The following AGAP3 variants were observed in gnomAD, a reference collection of about 807,000 sequenced individuals.
The protein encoded by AGAP3 is arf-GAP with GTPase, ANK repeat and PH domain-containing protein 3.
In AGAP3, 24 loss-of-function variants were observed where a neutral mutation model predicts 96.9. The ratio of observed to expected loss-of-function variants is 0.25; its 90% confidence interval spans 0.18 to 0.35. AGAP3 has a LOEUF of 0.35. Ranked by LOEUF, AGAP3 falls within the 10% of genes least tolerant of loss-of-function variation. The pLI is 1.00. For missense variants in AGAP3, 876 were observed against 1,254.2 expected (o/e 0.70, Z 4.55); for synonymous variants, 563 against 536.1 (o/e 1.05, Z -0.69).
chr7:151,127,849 G>A (rs1800241513), intron 9 of AGAP3, among the ~76,000 whole-genome samples: 2 of 152,190 alleles, frequency 1.3e-5, no homozygotes, highest in Non-Finnish European at 2.9e-5. Flanking sequence ...CAGGGTTTTA[G>A]GGGGCTTTTC....
At chr7:151,089,342 T>C (rs1448681369) in intron 1 of AGAP3, among the ~76,000 whole-genome samples, 1 of 152,102 alleles carries the variant, frequency 6.6e-6, no homozygotes, top group African/African-American at 2.4e-5. Context: ...GAGGCTGGAC[T>C]GAGACCCAGC....
At position 151,117,428 on chromosome 7, in the gene AGAP3, G is replaced by A; in HGVS notation, c.536G>A (p.Arg179Gln). The change falls in exon 4 of 18, where the codon CGA (arginine) becomes CAA (glutamine). Residue 179 changes from arginine to glutamine, a missense_variant. Physicochemically the swap from Arg to Gln is conservative, Grantham distance 43. Transcript: ENST00000397238. The part of the protein sequence containing the change: ...VDGQSYLLLI[R>Q]DEGGPPELQF... ...GGCCAGAGTTACCTGCTGCTGATCC[G>A]AGATGAAGGAGGCCCCCCTGAGCTC... 1 of 1,614,222 alleles carries A rather than the reference G, an allele frequency of 6.2e-7. No individual in the cohort carries two copies. Among genetic ancestry groups the A allele is most frequent in the Non-Finnish European group, 8.5e-7 (1 of 1,180,026 alleles).
chr7:151,143,255 C>T lies in AGAP3; in HGVS notation c.2274-86C>T, dbSNP rs558651405. 1.0e-3 allele frequency: 1,561 copies of T among 1,493,704 alleles called. 2 individuals are homozygous for T. The highest frequency in any genetic ancestry group is 1.3e-3 in the Non-Finnish European group (1,481 of 1,112,174). 92.5% of individuals were successfully genotyped at this position (1,493,704 alleles called of 1,614,324 possible). On this transcript the variant is annotated intron_variant, in intron 16 of 17. Transcript: ENST00000397238. The surrounding 1 kb of genome is among the most constrained non-coding windows in gnomAD (Gnocchi z 5.9). Reference sequence around the variant, plus strand: ...TTTCTTCCTTGTTCCCCCGGGTGCTCGCTTCCTTTCCTGCCCACCTTCCTG... The same window carrying T: ...TTTCTTCCTTGTTCCCCCGGGTGCTTGCTTCCTTTCCTGCCCACCTTCCTG...
chr7:151,121,717 C>T (rs368064654), intron 8 of AGAP3, among the ~76,000 whole-genome samples: 2 of 152,180 alleles, frequency 1.3e-5, no homozygotes, highest in Non-Finnish European at 2.9e-5. Context: ...TTCTCTCCAT[C>T]CTCACAGCGG....
At chr7:151,106,855 C>T (rs1334247406) in intron 1 of AGAP3, among the ~76,000 whole-genome samples, 2 of 151,968 alleles carry the variant, frequency 1.3e-5, no homozygotes, top group East Asian at 3.9e-4. Flanking sequence ...TTTAAAAAAT[C>T]GCTGCACTGT....
intron 11 of AGAP3, chr7:151,137,653 T>C (rs1800654352): frequency 6.5e-6 from 1 of 153,750 alleles, no homozygotes; most frequent in Admixed American, 6.5e-5. Flanking sequence ...AAGATTAATT[T>C]TCTCCAGCCC....
At chr7:151,132,070 A>T (rs1584776704) in intron 10 of AGAP3, among the ~76,000 whole-genome samples, 1 of 152,192 alleles carries the variant, frequency 6.6e-6, no homozygotes, top group South Asian at 2.1e-4. Context: ...CAGTGAAGTC[A>T]TTGAGTGGAC....
Position 151,114,898 on chromosome 7 carries a change from T to G in AGAP3, c.332-1895T>G. 1 of 998,252 alleles carries G rather than the reference T, an allele frequency of 1.0e-6. No homozygotes were observed. The highest frequency in any genetic ancestry group is 1.2e-6 in the Non-Finnish European group (1 of 841,334). The allele number at this position is 998,252 out of a possible 1,614,324, so 61.8% of individuals were successfully genotyped here. ...TCGGCCGGCCGCGCTGCCGCCGCCC[T>G]GCAGGCCGCCCTCTGCGCCGCCAGT... On this transcript the variant is annotated intron_variant, in intron 1 of 17. Coordinates refer to ENST00000397238, the MANE Select transcript of AGAP3 (RefSeq NM_031946.7). This position sits in a 1 kb window ranked among gnomAD's most constrained non-coding sequence, Gnocchi z 4.4.
At chr7:151,138,414 A>G in intron 12 of AGAP3, 101 bp downstream of exon 12, 2 of 1,372,314 alleles carry the variant, frequency 1.5e-6, no homozygotes, top group Non-Finnish European at 9.8e-7. Flanking sequence ...GCAGTGGGAC[A>G]GTGTCCAGGC....
chr7:151,140,214 C>G lies in AGAP3; in HGVS notation c.1804+98C>G. On this transcript the variant is annotated intron_variant, in intron 13 of 17. Coordinates refer to ENST00000397238, the MANE Select transcript of AGAP3 (RefSeq NM_031946.7). The surrounding 1 kb of genome is among the most constrained non-coding windows in gnomAD (Gnocchi z 5.4). ...ACACCTATTTTTTATTTTTTGTATT[C>G]AGTGGATTAAGCACTTTCTAGTAGT... 1 of 1,296,144 alleles carries G rather than the reference C, an allele frequency of 7.7e-7. No homozygotes were observed. The highest frequency in any genetic ancestry group is 2.2e-5 in the South Asian group (1 of 46,146). The allele number at this position is 1,296,144 out of a possible 1,614,324, so 80.3% of individuals were successfully genotyped here.
chr7:151,123,067 G>A (rs867044377), intron 8 of AGAP3: 364 of 1,247,460 alleles, frequency 2.9e-4, no homozygotes, highest in Middle Eastern at 9.8e-4. Context: ...CCAGCGCGAC[G>A]AGGCCCAGAG....
At chr7:151,138,742 G>A (rs920821348) in intron 12 of AGAP3, among the ~76,000 whole-genome samples, 76 of 152,316 alleles carry the variant, frequency 5.0e-4, no homozygotes, top group African/African-American at 1.6e-3. Context: ...TAGGGAGGTC[G>A]GACGGAGGCT....
chr7:151,115,232 C>A, intron 1 of AGAP3: 1 of 1,002,482 alleles, frequency 1.0e-6, no homozygotes, highest in Non-Finnish European at 1.2e-6. Context: ...GCAGCGCGGG[C>A]TTCCTGCGCG....
intron 1 of AGAP3, among the ~76,000 whole-genome samples, chr7:151,110,407 G>T (rs1226872108): frequency 3.9e-5 from 6 of 152,208 alleles, no homozygotes; most frequent in Non-Finnish European, 8.8e-5. Context: ...TCAGGGACAA[G>T]CAGGGCAGAG....
chr7:151,109,154 T>G (rs1585057759), intron 1 of AGAP3, among the ~76,000 whole-genome samples: 1 of 130,118 alleles, frequency 7.7e-6, no homozygotes, highest in East Asian at 2.3e-4. Flanking sequence ...ATAGTGAGAC[T>G]CCCACCTCTG....
chr7:151,126,178 A>T (rs1436989679), intron 9 of AGAP3, among the ~76,000 whole-genome samples: 1 of 151,994 alleles, frequency 6.6e-6, no homozygotes, highest in Non-Finnish European at 1.5e-5. Flanking sequence ...GGGGGCGTTC[A>T]GGGTGGAGGA....
Position 151,114,728 on chromosome 7 carries a change from T to TCGCCATGGGCCTGGCCCGC in AGAP3, c.332-2065_332-2064insCGCCATGGGCCTGGCCCGC, listed in dbSNP as rs1799458374. The TCGCCATGGGCCTGGCCCGC allele has an allele frequency of 9.9e-7, 1 of 1,005,888 alleles. No homozygotes were observed. Among genetic ancestry groups the TCGCCATGGGCCTGGCCCGC allele is most frequent in the African/African-American group, 1.8e-5 (1 of 57,108 alleles). 62.3% of individuals were successfully genotyped at this position (1,005,888 alleles called of 1,614,324 possible). A position where few individuals can be genotyped will look rare whatever the true frequency, so the allele number is the denominator to read the frequency against. ...CGGCCCCGGCCCGGGCCCAGCCCCG[T>TCGCCATGGGCCTGGCCCGC]GCCCCTCGCCATGGGCCTGGCCCGC... On this transcript the variant is annotated intron_variant, in intron 1 of 17. Transcript: ENST00000397238. This position sits in a 1 kb window ranked among gnomAD's most constrained non-coding sequence, Gnocchi z 4.4.
chr7:151,122,578 C>T lies in AGAP3; in HGVS notation c.1129-1216C>T, dbSNP rs917937418. 3.3e-5 allele frequency: 29 copies of T among 889,296 alleles called. No individual in the cohort carries two copies. The African/African-American group carries it at 4.9e-4, about 15-fold the overall frequency. 55.1% of individuals were successfully genotyped at this position (889,296 alleles called of 1,614,324 possible). On this transcript the variant is annotated intron_variant, in intron 8 of 17. Transcript: ENST00000397238. ...CCTCCTCCTTGTCCTTCTCCTCTTCCTCGTCCTTCTCCTCCTCCTCCTCCT... is the reference window on the plus strand; with the variant it reads ...CCTCCTCCTTGTCCTTCTCCTCTTCTTCGTCCTTCTCCTCCTCCTCCTCCT...
intron 1 of AGAP3, chr7:151,115,577 G>A: frequency 8.7e-7 from 1 of 1,149,054 alleles, no homozygotes; most frequent in African/African-American, 1.6e-5. Flanking sequence ...GGGAGCCCGC[G>A]CCCGCCGCGC....
Sources: gnomAD v4.1 joint callset for allele counts (sites outside exome capture counted in the v4.1 genomes callset) on GRCh38, gnomAD v4.1.1 for gene constraint, Gnocchi (gnomAD v3.1) non-coding constraint, MANE v1.5 for transcripts, NCBI Gene and HGNC (gene_info 2026-07-23, HGNC 2026-07-21) for gene names.